SYNDIG1L: variants seen among roughly 807,000 people sequenced by gnomAD.
SYNDIG1L encodes the protein synapse differentiation inducing 1 like, also known as synapse differentiation-inducing gene protein 1-like.
SYNDIG1L carries 13 observed loss-of-function variants against 20.1 expected under a neutral mutation model. The ratio of observed to expected loss-of-function variants is 0.65; its 90% CI spans 0.42 to 1.03. SYNDIG1L has a LOEUF of 1.03. Among genes scored for constraint, SYNDIG1L ranks in the 50% least tolerant of loss-of-function variants. The pLI is 0.00. For synonymous variants in SYNDIG1L, 128 were observed against 129.3 expected, an observed-to-expected ratio of 0.99 and a Z score of 0.07; for missense variants, 294 against 305.1, an observed-to-expected ratio of 0.96 and a Z score of 0.27.
intron 1 of SYNDIG1L, among the ~76,000 whole-genome samples, chr14:74,420,191 G>A (rs1254112542): frequency 6.6e-6 from 1 of 151,922 alleles, no homozygotes; most frequent in Non-Finnish European, 1.5e-5. Context: ...GAGGTCAGGA[G>A]TTTGAGACCA....
chr14:74,421,107 T>C (rs1398289590), intron 1 of SYNDIG1L, among the ~76,000 whole-genome samples: 1 of 151,972 alleles, frequency 6.6e-6, no homozygotes, highest in African/African-American at 2.4e-5. Flanking sequence ...AAAAAAACTT[T>C]GAAAAAAAAT....
the SYNDIG1L span, among the ~76,000 whole-genome samples, chr14:74,463,843 G>C: frequency 6.6e-6 from 1 of 152,184 alleles, no homozygotes; most frequent in African/African-American, 2.4e-5. Flanking sequence ...AAATTAGCTA[G>C]AGCAACGTGC....
At chr14:74,435,694 G>A in the SYNDIG1L span, among the ~76,000 whole-genome samples, 672 of 152,332 alleles carry the variant, frequency 4.4e-3, 7 homozygotes, top group African/African-American at 0.016. Flanking sequence ...GTCATGGAAT[G>A]TTCTCCCAGC....
intron 1 of SYNDIG1L, among the ~76,000 whole-genome samples, chr14:74,422,135 C>G (rs1566585362): frequency 6.6e-6 from 1 of 152,198 alleles, no homozygotes; most frequent in Non-Finnish European, 1.5e-5. Flanking sequence ...TAGAAGCAAA[C>G]AGCACATCTA....
intron 1 of SYNDIG1L, among the ~76,000 whole-genome samples, chr14:74,414,697 T>G (rs1330068364): frequency 6.6e-6 from 1 of 152,204 alleles, no homozygotes; most frequent in South Asian, 2.1e-4. Context: ...AGAAGAAGAA[T>G]AACTTACACT....
the SYNDIG1L span, among the ~76,000 whole-genome samples, chr14:74,432,380 C>T: frequency 6.6e-6 from 1 of 152,172 alleles, no homozygotes; most frequent in Non-Finnish European, 1.5e-5. Flanking sequence ...CCTCCACACC[C>T]TGGTATATAA....
the SYNDIG1L span, among the ~76,000 whole-genome samples, chr14:74,451,527 G>A: frequency 2.0e-5 from 3 of 152,154 alleles, no homozygotes; most frequent in Non-Finnish European, 4.4e-5. Context: ...AGATTTCTCA[G>A]ATATAACATC....
intron 1 of SYNDIG1L, among the ~76,000 whole-genome samples, chr14:74,412,160 G>A (rs1417427522): frequency 6.6e-6 from 1 of 152,186 alleles, no homozygotes; most frequent in Non-Finnish European, 1.5e-5. Context: ...GGATTATAGT[G>A]ATGTGGAGGG....
Position 74,409,475 on chromosome 14 carries a change from G to T in SYNDIG1L, c.270C>A (p.Ser90Arg), listed in dbSNP as rs1367471656. 2.5e-6 allele frequency: 4 copies of T among 1,613,526 alleles called. No individual in the cohort carries two copies. The East Asian group carries it at 8.9e-5, about 36-fold the overall frequency. Residue 90 changes from serine (S) to arginine (R), a missense_variant, in exon 2 of 4, where the codon AGC becomes AGA. By Grantham distance (110) the Ser-to-Arg change is moderately radical (BLOSUM62 -1). Transcript: ENST00000331628. ...CCTGGGGCTCCCTGTCCTCTGTGAA[G>T]CTTGTCTCACAGCTGCCTGCCCTGG... is the stretch of plus-strand genomic sequence containing the variant. ...KEPRAGSCETSFTEDREPQEG... is the reference protein window; with the variant it reads ...KEPRAGSCETRFTEDREPQEG...
At chr14:74,427,918 C>A (rs1331165774), upstream of SYNDIG1L, among the ~76,000 whole-genome samples, 1 of 152,264 alleles carries the variant, frequency 6.6e-6, no homozygotes, top group Non-Finnish European at 1.5e-5. Flanking sequence ...GCTCCCCTCC[C>A]CACCCTGGCT....
chr14:74,476,213 G>A, the SYNDIG1L span: 1 of 577,788 alleles, frequency 1.7e-6, no homozygotes, highest in Non-Finnish European at 3.1e-6. Context: ...GCAGAGCAAT[G>A]CATTTCTCCA....
At chr14:74,410,694 A>T (rs1200954420) in intron 1 of SYNDIG1L, among the ~76,000 whole-genome samples, 1 of 152,068 alleles carries the variant, frequency 6.6e-6, no homozygotes, top group Non-Finnish European at 1.5e-5. Flanking sequence ...TTGAGAAAGG[A>T]TTCATTCTAG....
Position 74,407,461 on chromosome 14 carries a change from A to C in SYNDIG1L, c.*74T>G. ...TCATCTTCAGGGGCCGGGCCTTTCCATAGGGTCTGCAACTCCAAGCCCCAC... is the reference window on the plus strand; with the variant it reads ...TCATCTTCAGGGGCCGGGCCTTTCCCTAGGGTCTGCAACTCCAAGCCCCAC... On this transcript the variant is annotated 3_prime_UTR_variant, in exon 4 of 4. Transcript: ENST00000331628. The C allele has an allele frequency of 6.3e-7, 1 of 1,595,568 alleles. No homozygotes were observed. The highest frequency in any genetic ancestry group is 8.5e-7 in the Non-Finnish European group (1 of 1,173,252).
chr14:74,443,605 G>A, the SYNDIG1L span, among the ~76,000 whole-genome samples: 3 of 152,228 alleles, frequency 2.0e-5, no homozygotes, highest in Admixed American at 6.5e-5. Flanking sequence ...AACTGGAGCT[G>A]AGTGTGTTTG....
Position 74,407,485 on chromosome 14 carries a change from A to G in SYNDIG1L, c.*50T>C, listed in dbSNP as rs2086092272. 1 of 1,609,222 alleles carries G rather than the reference A, an allele frequency of 6.2e-7. No homozygotes were observed. The highest frequency in any genetic ancestry group is 1.7e-5 in the Admixed American group (1 of 59,972). On this transcript the variant is annotated 3_prime_UTR_variant, in exon 4 of 4. Transcript: ENST00000331628. ...CATAGGGTCTGCAACTCCAAGCCCC[A>G]CTGCTTCCTCAGGTGGGCAGGGGAG...
chr14:74,432,684 T>A, the SYNDIG1L span, among the ~76,000 whole-genome samples: 2 of 152,162 alleles, frequency 1.3e-5, no homozygotes. Context: ...AGTGAAATCC[T>A]GATTCTACTA....
the SYNDIG1L span, among the ~76,000 whole-genome samples, chr14:74,466,698 C>T: frequency 1.3e-5 from 2 of 152,138 alleles, no homozygotes; most frequent in African/African-American, 2.4e-5. Context: ...CACGGCTGCT[C>T]ATTGGTATCA....
the SYNDIG1L span, among the ~76,000 whole-genome samples, chr14:74,431,364 G>A: frequency 1.3e-5 from 2 of 152,106 alleles, no homozygotes; most frequent in Non-Finnish European, 2.9e-5. Flanking sequence ...GTGGGTCTGG[G>A]GAGGCAGGGC....
chr14:74,465,553 G>A, the SYNDIG1L span, among the ~76,000 whole-genome samples: 1 of 152,338 alleles, frequency 6.6e-6, no homozygotes, highest in Non-Finnish European at 1.5e-5. Context: ...ACACCAGGGA[G>A]CAGCAGAGAG....
Sources: gnomAD v4.1 joint callset for allele counts (sites outside exome capture counted in the v4.1 genomes callset) on GRCh38, gnomAD v4.1.1 for gene constraint, MANE v1.5 for transcripts, NCBI Gene and HGNC (gene_info 2026-07-23, HGNC 2026-07-21) for gene names.